Variants in TRDN observed in about 807,000 individuals in gnomAD.
TRDN encodes triadin.
TRDN carries 161 observed loss-of-function variants against 149.7 expected under a neutral mutation model. The observed-to-expected ratio is 1.08, with a 90% CI of 0.95 to 1.23. The LOEUF is 1.23. Ranked by LOEUF, TRDN falls within the 50% of genes most tolerant of loss-of-function variation. The pLI is 0.00. For synonymous variants in TRDN, 294 were observed against 250.5 expected (o/e 1.17, Z -1.64); for missense variants, 896 against 823.5 (o/e 1.09, Z -1.08).
At chr6:123,379,152 A>G (rs2114408256) in intron 16 of TRDN, among the ~76,000 whole-genome samples, 1 of 152,308 alleles carries the variant, frequency 6.6e-6, no homozygotes, top group South Asian at 2.1e-4. Context: ...AGACTAGAAT[A>G]TGTTCATACT....
At chr6:123,268,330 T>C (rs1777084608) in intron 31 of TRDN, among the ~76,000 whole-genome samples, 1 of 152,006 alleles carries the variant, frequency 6.6e-6, no homozygotes, top group Non-Finnish European at 1.5e-5. Flanking sequence ...ATCTCAACTA[T>C]TCTAGGATAT....
At chr6:123,431,339 T>C (rs1017666466) in intron 12 of TRDN, among the ~76,000 whole-genome samples, 1 of 152,132 alleles carries the variant, frequency 6.6e-6, no homozygotes, top group African/African-American at 2.4e-5. Flanking sequence ...AAAAATTTTA[T>C]CTGGAATATA....
intron 1 of TRDN, among the ~76,000 whole-genome samples, chr6:123,585,034 G>A (rs947321312): frequency 1.4e-4 from 21 of 151,916 alleles, no homozygotes; most frequent in African/African-American, 3.4e-4. Context: ...TGTGGGATGG[G>A]ATATTGGCAT....
chr6:123,423,831 T>A (rs1774005340), intron 12 of TRDN, among the ~76,000 whole-genome samples: 1 of 152,158 alleles, frequency 6.6e-6, no homozygotes, highest in Admixed American at 6.6e-5. Flanking sequence ...ATAGCATTTC[T>A]TGCACTCACT....
chr6:123,295,420 C>T (rs1301869056), intron 24 of TRDN, among the ~76,000 whole-genome samples: 1 of 152,170 alleles, frequency 6.6e-6, no homozygotes, highest in Admixed American at 6.6e-5. Flanking sequence ...GTACCTTTGG[C>T]TTGCCCTTGA....
At chr6:123,305,892 C>T (rs552036305) in intron 24 of TRDN, among the ~76,000 whole-genome samples, 2 of 152,180 alleles carry the variant, frequency 1.3e-5, no homozygotes, top group Admixed American at 1.3e-4. Flanking sequence ...AGCTGGTATT[C>T]TCTGCTTTAA....
chr6:123,397,317 T>A (rs1407262761), intron 12 of TRDN, among the ~76,000 whole-genome samples: 3 of 152,172 alleles, frequency 2.0e-5, no homozygotes, highest in Non-Finnish European at 1.5e-5. Context: ...ACAGACTTTA[T>A]CCTGGTTATT....
At chr6:123,320,553 T>C (rs978864357) in intron 23 of TRDN, among the ~76,000 whole-genome samples, 12 of 124,832 alleles carry the variant, frequency 9.6e-5, no homozygotes, top group African/African-American at 6.4e-4. Context: ...TGAGACTTAA[T>C]AATATGTTTA....
intron 24 of TRDN, among the ~76,000 whole-genome samples, chr6:123,300,383 G>A (rs1778357928): frequency 6.6e-6 from 1 of 151,810 alleles, no homozygotes; most frequent in South Asian, 2.1e-4. Context: ...TCTGAATAGT[G>A]GTCAACACTG....
chr6:123,395,856 G>A (rs919747955), intron 12 of TRDN, among the ~76,000 whole-genome samples: 17 of 152,252 alleles, frequency 1.1e-4, no homozygotes, highest in African/African-American at 3.9e-4. Flanking sequence ...TGCAATTGCA[G>A]TTGCACGAAC....
Position 123,271,194 on chromosome 6 carries a change from AG to A in TRDN, c.1673-9del. The stretch of plus-strand genomic sequence containing the variant: ...GCTTGAGAACTTTTTCTTCTGTGAT[AG>A]GAAAAAATGTTAACACAAGTAGGAA... On this transcript the variant is annotated splice_polypyrimidine_tract_variant and intron_variant, in intron 29 of 40. Coordinates refer to ENST00000334268, the MANE Select transcript of TRDN (RefSeq NM_006073.4). 1 of 1,531,146 alleles carries A rather than the reference AG, an allele frequency of 6.5e-7. No individual in the cohort carries two copies. Among genetic ancestry groups the A allele is most frequent in the South Asian group, 1.2e-5 (1 of 81,600 alleles). The allele number at this position is 1,531,146 out of a possible 1,614,324, so 94.8% of individuals were successfully genotyped here.
chr6:123,441,954 A>G (rs946564180), intron 10 of TRDN: 4 of 152,340 alleles, frequency 2.6e-5, no homozygotes, highest in Middle Eastern at 3.4e-3. Flanking sequence ...TTTCTTTAAT[A>G]ACAATGCATT....
intron 10 of TRDN, among the ~76,000 whole-genome samples, chr6:123,442,675 T>A (rs762724060): frequency 2.0e-5 from 3 of 152,070 alleles, no homozygotes; most frequent in Non-Finnish European, 4.4e-5. Context: ...AAGCTATTAC[T>A]ATATTTTACA....
intron 1 of TRDN, among the ~76,000 whole-genome samples, chr6:123,599,454 A>G (rs1784182254): frequency 6.6e-6 from 1 of 152,080 alleles, no homozygotes; most frequent in South Asian, 2.1e-4. Context: ...TCTTCAACCA[A>G]TGTTCAGAAT....
intron 1 of TRDN, among the ~76,000 whole-genome samples, chr6:123,603,686 T>C (rs1436773437): frequency 6.6e-6 from 1 of 152,172 alleles, no homozygotes; most frequent in Non-Finnish European, 1.5e-5. Flanking sequence ...AGATTCTTTA[T>C]ACTTTGCTTA....
rs180788792 is a variant in TRDN at position 123,400,649 on chromosome 6, G to A, written c.1052-6972C>T. On this transcript the variant is annotated intron_variant, in intron 12 of 40. Coordinates refer to ENST00000334268, the MANE Select transcript of TRDN (RefSeq NM_006073.4). ...CCACAGACCAGTACCAGGGTTTGGG[G>A]ACCCGTGCTCTAATGCCCACTTTAC... 3.3e-5 allele frequency among the ~76,000 whole-genome samples: 5 copies of A among 152,230 alleles called. No homozygotes were observed. In the East Asian group the frequency reaches 9.7e-4, roughly 29 times the overall value.
intron 19 of TRDN, among the ~76,000 whole-genome samples, chr6:123,370,895 G>T (rs1781297842): frequency 7.5e-6 from 1 of 133,828 alleles, no homozygotes; most frequent in Non-Finnish European, 1.6e-5. Context: ...TCTGCCCATT[G>T]TCTATCAAGG....
chr6:123,494,331 C>T (rs544916385), intron 9 of TRDN, among the ~76,000 whole-genome samples: 2 of 152,218 alleles, frequency 1.3e-5, no homozygotes, highest in South Asian at 4.2e-4. Context: ...TTTATTATTC[C>T]TTCTAACCTT....
chr6:123,266,907 G>T (rs920306323), intron 32 of TRDN, among the ~76,000 whole-genome samples: 4 of 145,092 alleles, frequency 2.8e-5, no homozygotes, highest in Non-Finnish European at 4.5e-5. Context: ...AGGAGATCGA[G>T]ACCATCCTGG....
Sources: gnomAD v4.1 joint callset for allele counts (sites outside exome capture counted in the v4.1 genomes callset) on GRCh38, gnomAD v4.1.1 for gene constraint, MANE v1.5 for transcripts, NCBI Gene and HGNC (gene_info 2026-07-23, HGNC 2026-07-21) for gene names.